ADH1C: variants seen among roughly 807,000 people sequenced by gnomAD.
ADH1C encodes the protein alcohol dehydrogenase 1C.
Under a neutral mutation model 35.0 loss-of-function variants are expected in ADH1C, and 26 were observed. The ratio of observed to expected loss-of-function variants is 0.74; its 90% confidence interval spans 0.54 to 1.03. The LOEUF is 1.03. ADH1C is among the 50% of genes least tolerant of loss of function. The probability of loss-of-function intolerance (pLI) is 0.00; values close to 1 mark genes in which losing one functional copy is unlikely to be tolerated. For synonymous variants in ADH1C, 170 were observed against 169.3 expected, an observed-to-expected ratio of 1.00 and a Z score of -0.03; for missense variants, 413 against 465.4, an observed-to-expected ratio of 0.89 and a Z score of 1.04.
At chr4:99,337,261 C>G (rs1481250662) in intron 8 of ADH1C, among the ~76,000 whole-genome samples, 1 of 151,698 alleles carries the variant, frequency 6.6e-6, no homozygotes, top group Non-Finnish European at 1.5e-5. Context: ...GTAATTTGCT[C>G]TGGTCGCACA....
At chr4:99,337,695 A>C (rs1023609303) in intron 8 of ADH1C, among the ~76,000 whole-genome samples, 3 of 152,086 alleles carry the variant, frequency 2.0e-5, no homozygotes, top group Non-Finnish European at 4.4e-5. Context: ...CTGTAATCTT[A>C]CGACCTCGGA....
chr4:99,340,167 C>G (rs867491879), intron 7 of ADH1C, among the ~76,000 whole-genome samples: 1 of 152,088 alleles, frequency 6.6e-6, no homozygotes, highest in African/African-American at 2.4e-5. Flanking sequence ...AATCCCAGCA[C>G]GAGCACGTTG....
At chr4:99,340,796 C>A (rs932711328) in intron 6 of ADH1C, 86 bp from the exon 7 acceptor site, 24 of 1,563,804 alleles carry the variant, frequency 1.5e-5, no homozygotes, top group Non-Finnish European at 1.9e-5. Context: ...ATAGGCTTAG[C>A]TGGATTGTGA....
chr4:99,352,522 ATATGAATTTTAAATTAT>A, intron 1 of ADH1C, 119 bp downstream of exon 1: 1 of 610,394 alleles, frequency 1.6e-6, no homozygotes, highest in Non-Finnish European at 2.7e-6. Context: ...TCTAATTTAG[ATATGAATTTTAAATTAT>A]TCATCATCTA....
intron 7 of ADH1C, 37 bp from the exon 8 acceptor site, chr4:99,339,752 G>A (rs192773778): frequency 1.3e-6 from 2 of 1,566,044 alleles, no homozygotes; most frequent in African/African-American, 2.8e-5. Context: ...GATTCAACCA[G>A]GGTAAGTAGG....
chr4:99,338,446 C>CATATATATATATATAT lies in ADH1C; in HGVS notation c.1103+1130_1103+1131insATATATATATATATAT, dbSNP rs1480029511. ...ATATATATATATATATATATATATA[C>CATATATATATATATAT]ACACTCTTGAGGGGTGGTGTGGTTT... On this transcript the variant is annotated intron_variant, in intron 8 of 8. Coordinates refer to ENST00000515683, the MANE Select transcript of ADH1C (RefSeq NM_000669.5). Among the ~76,000 whole-genome samples the CATATATATATATATAT allele has an allele frequency of 3.0e-4, 12 of 39,582 alleles. 2 individuals carry two copies. Among genetic ancestry groups the CATATATATATATATAT allele is most frequent in the South Asian group, 9.2e-4 (1 of 1,082 alleles). 26.0% of individuals were successfully genotyped at this position (39,582 alleles called of 152,430 possible).
intron 7 of ADH1C, 145 bp from the exon 8 acceptor site, chr4:99,339,860 A>T: frequency 1.3e-6 from 1 of 753,100 alleles, no homozygotes; most frequent in Non-Finnish European, 2.1e-6. Flanking sequence ...AGAGTACTTC[A>T]ATATGCTTTT....
intron 5 of ADH1C, 34 bp from the exon 6 acceptor site, chr4:99,343,089 TA>T (rs1362053944): frequency 6.2e-7 from 1 of 1,603,534 alleles, no homozygotes; most frequent in African/African-American, 1.3e-5. Context: ...ATGAATTAAA[TA>T]ATGTTTGTTA....
chr4:99,348,398 T>C (rs1267761418), intron 1 of ADH1C, among the ~76,000 whole-genome samples: 1 of 151,702 alleles, frequency 6.6e-6, no homozygotes, highest in African/African-American at 2.4e-5. Flanking sequence ...GTTCTTGCGA[T>C]AGTTTACTGA....
chr4:99,348,941 G>A (rs1416509846), intron 1 of ADH1C, among the ~76,000 whole-genome samples: 1 of 148,228 alleles, frequency 6.7e-6, no homozygotes, highest in African/African-American at 2.5e-5. Context: ...AGAAGTGTCT[G>A]TTCATGTCCT....
chr4:99,343,115 T>A, intron 5 of ADH1C, 60 bp from the exon 6 acceptor site: 1 of 1,582,076 alleles, frequency 6.3e-7, no homozygotes, highest in Non-Finnish European at 8.6e-7. Context: ...TTGCTTAAGC[T>A]TTATAAAGTG....
In ADH1C at chr4:99,342,801, G is replaced by A; in HGVS notation, c.822C>T (p.Asp274=). The change falls in exon 6 of 9, where the codon GAC becomes GAT. Residue 274 remains aspartate, a synonymous_variant. Coordinates refer to ENST00000515683, the MANE Select transcript of ADH1C (RefSeq NM_000669.5). ...DFSFEVIGRL[D]TMMASLLCCH... is the part of the protein sequence containing the mutation. Reference sequence around the variant, plus strand: ...GGCATGTCACGGATCATACCATGGTGTCAAGCCGACCGATGACTTCAAACG... The same window carrying A: ...GGCATGTCACGGATCATACCATGGTATCAAGCCGACCGATGACTTCAAACG... 6.2e-7 allele frequency: 1 copy of A among 1,614,022 alleles called. No homozygotes were observed. The highest frequency in any genetic ancestry group is 8.5e-7 in the Non-Finnish European group (1 of 1,179,870).
intron 1 of ADH1C, 31 bp downstream of exon 1, chr4:99,352,627 T>C (rs765367079): frequency 5.7e-6 from 9 of 1,568,836 alleles, no homozygotes; most frequent in African/African-American, 1.4e-5. Context: ...GAAGAGAATA[T>C]ATTATCAACA....
chr4:99,350,202 TATG>T (rs1467278298), intron 1 of ADH1C, among the ~76,000 whole-genome samples: 2 of 152,198 alleles, frequency 1.3e-5, no homozygotes, highest in Non-Finnish European at 2.9e-5. Flanking sequence ...GTCAGGTGCC[TATG>T]ATGTGACAGG....
At chr4:99,346,343 T>A (rs1443913286) in intron 3 of ADH1C, among the ~76,000 whole-genome samples, 1 of 152,158 alleles carries the variant, frequency 6.6e-6, no homozygotes, top group Admixed American at 6.5e-5. Flanking sequence ...ATATTGAAGA[T>A]AAAATAATTA....
rs879545685 is a variant in ADH1C at position 99,339,519 on chromosome 4, C to T, written c.1103+58G>A. 8 of 1,062,196 alleles carry T rather than the reference C, an allele frequency of 7.5e-6. 1 individual carries two copies. The highest frequency in any genetic ancestry group is 1.0e-5 in the Non-Finnish European group (8 of 779,722). 65.8% of individuals were successfully genotyped at this position (1,062,196 alleles called of 1,614,324 possible). On this transcript the variant is annotated intron_variant, in intron 8 of 8. Coordinates refer to ENST00000515683, the MANE Select transcript of ADH1C (RefSeq NM_000669.5). ...CATTCTCTGCTAGACAACGCCCCCC[C>T]CCCCCCCGCCGCTACTGTAGAATAC...
chr4:99,339,950 A>C (rs1734374834), intron 7 of ADH1C, among the ~76,000 whole-genome samples: 1 of 152,214 alleles, frequency 6.6e-6, no homozygotes, highest in South Asian at 2.1e-4. Context: ...TATAGTACAG[A>C]TGTTATGCCC....
intron 1 of ADH1C, 43 bp from the exon 2 acceptor site, chr4:99,347,889 C>G: frequency 6.2e-7 from 1 of 1,606,200 alleles, no homozygotes; most frequent in South Asian, 1.1e-5. Context: ...TTTTCCCACG[C>G]TTGCAGTCAG....
At position 99,347,122 on chromosome 4, in the gene ADH1C, CG is replaced by C. The variant is rs1734553504; in HGVS notation, c.142del (p.Arg48ValfsTer12). The stretch of plus-strand genomic sequence containing the variant: ...GCCACTAACCACATGCTCATCTGAA[CG>C]ACAGATTCCTGCAGCCACCATCTAC... The part of the protein sequence containing the change: ...RIKMVAAGIC[R>X]SDEHVVSGNL... On this transcript the variant is annotated frameshift_variant, in exon 3 of 9. Transcript: ENST00000515683. LOFTEE classifies it high-confidence loss of function. The C allele has an allele frequency of 1.2e-6, 2 of 1,613,680 alleles. No homozygotes were observed. Among genetic ancestry groups the C allele is most frequent in the East Asian group, 4.5e-5 (2 of 44,850 alleles).
Sources: allele counts gnomAD v4.1 joint callset (sites outside exome capture counted in the v4.1 genomes callset), GRCh38; gene constraint gnomAD v4.1.1; transcripts MANE v1.5; gene names NCBI Gene and HGNC (gene_info 2026-07-23, HGNC 2026-07-21).